Variants in ZNF609 observed in about 807,000 individuals in gnomAD.
ZNF609 encodes the protein zinc finger protein 609.
Under a neutral mutation model 109.5 loss-of-function variants are expected in ZNF609, and 11 were observed. That is an observed-to-expected ratio of 0.10 (90% CI 0.06 to 0.17). The LOEUF is 0.17. ZNF609 is among the 10% of genes least tolerant of loss of function. The pLI is 1.00. For missense variants in ZNF609, 1,559 were observed against 1,772.4 expected (o/e 0.88, Z 2.16); for synonymous variants, 646 against 662.0 (o/e 0.98, Z 0.37).
intron 2 of ZNF609, among the ~76,000 whole-genome samples, chr15:64,606,044 C>T (rs551079334): frequency 2.4e-4 from 36 of 150,560 alleles, no homozygotes; most frequent in African/African-American, 1.9e-4. Flanking sequence ...TGTGAGCCAC[C>T]GCGCCTGGCC....
intron 2 of ZNF609, among the ~76,000 whole-genome samples, chr15:64,622,582 A>G (rs1352156496): frequency 6.6e-6 from 1 of 152,196 alleles, no homozygotes; most frequent in Non-Finnish European, 1.5e-5. Flanking sequence ...TTTATGAGGA[A>G]GATCATTAAG....
At chr15:64,528,529 C>T in intron 2 of ZNF609, 1 of 515,522 alleles carries the variant, frequency 1.9e-6, no homozygotes, top group Non-Finnish European at 3.5e-6. Flanking sequence ...TAGGCCCCTC[C>T]CTCTCCAAGG....
At chr15:64,580,198 A>G (rs1341332094) in intron 2 of ZNF609, among the ~76,000 whole-genome samples, 1 of 152,194 alleles carries the variant, frequency 6.6e-6, no homozygotes, top group Non-Finnish European at 1.5e-5. Flanking sequence ...ACAGCCTCCT[A>G]AAGCCTAGAA....
chr15:64,672,491 G>A (rs1441988152), intron 4 of ZNF609, among the ~76,000 whole-genome samples: 2 of 150,392 alleles, frequency 1.3e-5, no homozygotes, highest in African/African-American at 4.9e-5. Flanking sequence ...TGGGCATGGT[G>A]GCTCATGCCT....
chr15:64,616,585 T>A (rs1895801718), intron 2 of ZNF609, among the ~76,000 whole-genome samples: 1 of 145,140 alleles, frequency 6.9e-6, no homozygotes, highest in Non-Finnish European at 1.5e-5. Context: ...AGTGGCGTGA[T>A]CTCGGCTCAC....
intron 3 of ZNF609, among the ~76,000 whole-genome samples, chr15:64,633,138 C>T (rs1014857926): frequency 6.7e-6 from 1 of 148,670 alleles, no homozygotes; most frequent in Non-Finnish European, 1.5e-5. Context: ...AGAAGTGACA[C>T]GTTTTGTTTT....
At chr15:64,583,143 C>G (rs1196470238) in intron 2 of ZNF609, among the ~76,000 whole-genome samples, 9 of 151,472 alleles carry the variant, frequency 5.9e-5, no homozygotes, top group African/African-American at 2.2e-4. Context: ...AAGTAATTCT[C>G]TGCGTCAGCC....
At chr15:64,624,679 T>C (rs1394689219) in intron 3 of ZNF609, among the ~76,000 whole-genome samples, 1 of 152,010 alleles carries the variant, frequency 6.6e-6, no homozygotes, top group African/African-American at 2.4e-5. Context: ...TTTTTTATTT[T>C]TTGTAAATCG....
Position 64,569,085 on chromosome 15 carries a change from C to T in ZNF609, c.748-53742C>T, listed in dbSNP as rs188124254. Among the ~76,000 whole-genome samples, 96 of 152,296 alleles carry T rather than the reference C, an allele frequency of 6.3e-4. 4 individuals are homozygous for T. Among genetic ancestry groups the T allele is most frequent in the African/African-American group, 2.3e-3 (94 of 41,556 alleles). On this transcript the variant is annotated intron_variant, in intron 2 of 9. Transcript: ENST00000326648. ...CCTTCTTTTTCCACTCCCTCTGATA[C>T]CCCTCTGGGATACAAATGGGCCCTT...
At chr15:64,622,184 C>A (rs575877018) in intron 2 of ZNF609, among the ~76,000 whole-genome samples, 10 of 152,184 alleles carry the variant, frequency 6.6e-5, no homozygotes, top group African/African-American at 2.4e-4. Context: ...ACCACTGTTA[C>A]ATGTTACAGT....
At chr15:64,475,392 C>CTT (rs35289626) in intron 1 of ZNF609, among the ~76,000 whole-genome samples, 2,175 of 109,560 alleles carry the variant, frequency 0.02, 166 homozygotes, top group African/African-American at 0.05. Flanking sequence ...CACATGTTGT[C>CTT]TTTTTTTTTT....
chr15:64,539,793 T>C (rs1003858451), intron 2 of ZNF609, among the ~76,000 whole-genome samples: 3 of 151,822 alleles, frequency 2.0e-5, no homozygotes, highest in Non-Finnish European at 4.4e-5. Flanking sequence ...ACGCCCAGCC[T>C]ACCTGCCTAA....
intron 1 of ZNF609, among the ~76,000 whole-genome samples, chr15:64,493,399 A>G (rs1199524154): frequency 6.6e-6 from 1 of 152,160 alleles, no homozygotes; most frequent in Non-Finnish European, 1.5e-5. Flanking sequence ...ATGACCTGAA[A>G]TGTATGATTT....
In ZNF609 at chr15:64,473,919, C is replaced by T. The variant is rs115093288; in HGVS notation, c.-128+13081C>T. Among the ~76,000 whole-genome samples the T allele has an allele frequency of 8.1e-3, 1,226 of 151,912 alleles. 18 individuals are homozygous for T. The highest frequency in any genetic ancestry group is 0.028 in the African/African-American group (1,169 of 41,432). On this transcript the variant is annotated intron_variant, in intron 1 of 9. Transcript: ENST00000326648. ...CCTCCCGAGTAGCTGTGATTACAGG[C>T]GCCTGTCATTGCACTCGGCTAATTT...
chr15:64,674,942 C>A lies in ZNF609; in HGVS notation c.2088C>A (p.Pro696=), dbSNP rs12901176. 3.1e-6 allele frequency: 5 copies of A among 1,614,048 alleles called. No homozygotes were observed. Among genetic ancestry groups the A allele is most frequent in the Non-Finnish European group, 4.2e-6 (5 of 1,180,016 alleles). Residue 696 remains proline (P), a synonymous_variant, in exon 5 of 10, where the codon CCC becomes CCA. Coordinates refer to ENST00000326648, the MANE Select transcript of ZNF609 (RefSeq NM_015042.2). ...CCGCCACAGTGGCACAAGCCATGCCCAACAGTCCCCAACTCAAGCCCATTC... is the reference window on the plus strand; with the variant it reads ...CCGCCACAGTGGCACAAGCCATGCCAAACAGTCCCCAACTCAAGCCCATTC... The part of the protein sequence containing the change: ...GLTATVAQAM[P]NSPQLKPIQP...
intron 2 of ZNF609, among the ~76,000 whole-genome samples, chr15:64,592,314 C>T (rs1206432279): frequency 3.9e-5 from 6 of 152,096 alleles, no homozygotes; most frequent in Non-Finnish European, 7.4e-5. Context: ...TGGTGGCTCA[C>T]GCCTATAATC....
chr15:64,520,907 G>A (rs1239160150), intron 2 of ZNF609, among the ~76,000 whole-genome samples: 1 of 152,176 alleles, frequency 6.6e-6, no homozygotes, highest in Non-Finnish European at 1.5e-5. Flanking sequence ...CTGCTACACT[G>A]ACAGCAAAGG....
At chr15:64,588,222 A>AT (rs1340632580) in intron 2 of ZNF609, among the ~76,000 whole-genome samples, 2 of 147,596 alleles carry the variant, frequency 1.4e-5, no homozygotes, top group East Asian at 4.3e-4. Flanking sequence ...AGGTCAGAAG[A>AT]TTGAGACCAC....
rs562461961 is a variant in ZNF609 at position 64,569,776 on chromosome 15, C to G, written c.748-53051C>G. 1.8e-4 allele frequency among the ~76,000 whole-genome samples: 27 copies of G among 152,302 alleles called. No homozygotes were observed. The South Asian group carries it at 5.2e-3, about 29-fold the overall frequency. On this transcript the variant is annotated intron_variant, in intron 2 of 9. Transcript: ENST00000326648. ...GGAGAAACAGAATGCATTGATAAAC[C>G]ATCCTTTTGTGTGTATCATTGAGAG...
Sources: allele counts gnomAD v4.1 joint callset (sites outside exome capture counted in the v4.1 genomes callset), GRCh38; gene constraint gnomAD v4.1.1; transcripts MANE v1.5; gene names NCBI Gene and HGNC (gene_info 2026-07-23, HGNC 2026-07-21).